RASAL1: variants seen among roughly 807,000 people sequenced by gnomAD.
RASAL1 encodes the protein rasGAP-activating-like protein 1.
Under a neutral mutation model 96.6 loss-of-function variants are expected in RASAL1, and 72 were observed. That is an observed-to-expected ratio of 0.75 (90% CI 0.62 to 0.91). The LOEUF (loss-of-function observed/expected upper bound fraction) is 0.91, where lower values mean the gene tolerates loss of function less well. Ranked by LOEUF, RASAL1 falls within the 40% of genes least tolerant of loss-of-function variation. The pLI is 0.00. For synonymous variants in RASAL1, 405 were observed against 430.4 expected (o/e 0.94, Z 0.73); for missense variants, 1,016 against 1,072.5 (o/e 0.95, Z 0.74).
intron 16 of RASAL1, among the ~76,000 whole-genome samples, chr12:113,105,276 G>A (rs1393826587): frequency 6.6e-6 from 1 of 152,210 alleles, no homozygotes; most frequent in Admixed American, 6.5e-5. Context: ...GCACATAATA[G>A]GCACTCAATA....
Position 113,115,285 on chromosome 12 carries a change from G to A in RASAL1, c.1004-21C>T. ...GTCCACTGGGAGGACAGGAGGAAGTGTTTGCTGGGATTTAGGGAGCTGAAC... is the reference window on the plus strand; with the variant it reads ...GTCCACTGGGAGGACAGGAGGAAGTATTTGCTGGGATTTAGGGAGCTGAAC... On this transcript the variant is annotated intron_variant, in intron 10 of 20. Coordinates refer to ENST00000548055, the MANE Select transcript of RASAL1 (RefSeq NM_001301202.2). The surrounding 1 kb of genome is among the most constrained non-coding windows in gnomAD (Gnocchi z 4.1). 1 of 1,607,098 alleles carries A rather than the reference G, an allele frequency of 6.2e-7. No homozygotes were observed. Among genetic ancestry groups the A allele is most frequent in the Non-Finnish European group, 8.5e-7 (1 of 1,173,680 alleles).
chr12:113,114,997 G>A (rs992103757), intron 11 of RASAL1, 85 bp from the exon 12 acceptor site: 1 of 1,220,172 alleles, frequency 8.2e-7, no homozygotes, highest in Non-Finnish European at 1.2e-6. Context: ...GGACCATGCA[G>A]GAAGAGGTTC....
At chr12:113,113,604 AC>A (rs535918383) in intron 12 of RASAL1, among the ~76,000 whole-genome samples, 20 of 152,212 alleles carry the variant, frequency 1.3e-4, no homozygotes, top group Non-Finnish European at 2.8e-4. Context: ...TAGGCAAGTG[AC>A]CTTCCCTCTC....
chr12:113,124,670 A>G (rs1379864), intron 4 of RASAL1, among the ~76,000 whole-genome samples: 14,060 of 152,230 alleles, frequency 0.092, 1,850 homozygotes, highest in African/African-American at 0.3. Flanking sequence ...TCCCCTCTCT[A>G]TGCCTCTGTA....
intron 4 of RASAL1, among the ~76,000 whole-genome samples, chr12:113,125,642 TGA>T (rs1951453892): frequency 6.6e-6 from 1 of 152,218 alleles, no homozygotes; most frequent in Admixed American, 6.5e-5. Context: ...GTTTGATAAC[TGA>T]GAGAGTGTGG....
intron 4 of RASAL1, among the ~76,000 whole-genome samples, chr12:113,127,163 G>A (rs1951517219): frequency 1.3e-5 from 2 of 151,970 alleles, no homozygotes; most frequent in African/African-American, 4.8e-5. Context: ...TGCCTCCCAA[G>A]GTGCTGGGAT....
intron 5 of RASAL1, among the ~76,000 whole-genome samples, chr12:113,119,879 A>G (rs2136205070): frequency 6.6e-6 from 1 of 152,296 alleles, no homozygotes; most frequent in East Asian, 1.9e-4. Flanking sequence ...TACCTGGAAA[A>G]TGGGAGTAAT....
intron 13 of RASAL1, among the ~76,000 whole-genome samples, chr12:113,111,447 G>A (rs1049529677): frequency 7.2e-5 from 11 of 152,060 alleles, no homozygotes; most frequent in African/African-American, 1.4e-4. Flanking sequence ...TTCCTCCTCC[G>A]TAAAATGGGA....
At chr12:113,109,037 G>T (rs1674104) in intron 13 of RASAL1, among the ~76,000 whole-genome samples, 110,320 of 137,562 alleles carry the variant, frequency 0.8, 42,270 homozygotes, top group Admixed American at 0.85. Flanking sequence ...AGGTTTTTTT[G>T]TGTGTGTTTT....
intron 13 of RASAL1, 131 bp from the exon 14 acceptor site, chr12:113,108,353 C>T (rs983213615): frequency 9.5e-6 from 11 of 1,156,846 alleles, no homozygotes; most frequent in African/African-American, 4.8e-5. Flanking sequence ...GAAGCCACAC[C>T]GGCTGGCCGA....
Position 113,129,171 on chromosome 12 carries a change from G to A in RASAL1, c.123-993C>T, listed in dbSNP as rs1273503405. Reference sequence around the variant, plus strand: ...TCTCTCCCAGCAATTAGGACATGGTGGGAGAAGTCCTGGGATTGGGGTTAG... The same window carrying A: ...TCTCTCCCAGCAATTAGGACATGGTAGGAGAAGTCCTGGGATTGGGGTTAG... On this transcript the variant is annotated intron_variant, in intron 2 of 20. Transcript: ENST00000548055. The surrounding 1 kb of genome is among the most constrained non-coding windows in gnomAD (Gnocchi z 5.0). Among the ~76,000 whole-genome samples the A allele has an allele frequency of 6.6e-6, 1 of 152,206 alleles. No homozygotes were observed. Among genetic ancestry groups the A allele is most frequent in the Non-Finnish European group, 1.5e-5 (1 of 68,030 alleles).
chr12:113,121,434 A>T, intron 5 of RASAL1, 75 bp downstream of exon 5: 1 of 1,588,000 alleles, frequency 6.3e-7, no homozygotes. Context: ...CCCAAACGCC[A>T]GGCAGCAGGG....
At chr12:113,104,432 T>C in intron 16 of RASAL1, 134 bp from the exon 17 acceptor site, 1 of 806,564 alleles carries the variant, frequency 1.2e-6, no homozygotes, top group South Asian at 1.8e-5. Flanking sequence ...GTCTGTGCTC[T>C]GTGTGCTCGT....
Position 113,100,006 on chromosome 12 carries a change from C to T in RASAL1, c.2341G>A (p.Ala781Thr), listed in dbSNP as rs768084694. The T allele has an allele frequency of 1.9e-6, 3 of 1,613,686 alleles. No homozygotes were observed. The highest frequency in any genetic ancestry group is 2.2e-5 in the East Asian group (1 of 44,868). Residue 781 changes from alanine (A) to threonine (T), a missense_variant, in exon 21 of 21, where the codon GCA (alanine) becomes ACA (threonine). Ala to Thr is a moderately conservative substitution (Grantham distance 58). Coordinates refer to ENST00000548055, the MANE Select transcript of RASAL1 (RefSeq NM_001301202.2). Reference sequence around the variant, plus strand: ...TCCTCGTGGGCACGATCCAGGTCTGCGAGCACCTCCAGCAGGCGGGCAGTT... The same window carrying T: ...TCCTCGTGGGCACGATCCAGGTCTGTGAGCACCTCCAGCAGGCGGGCAGTT... ...AATARLLEVLADLDRAHEEFQ... is the reference protein window; with the variant it reads ...AATARLLEVLTDLDRAHEEFQ...
At chr12:113,114,985 G>T in intron 11 of RASAL1, 73 bp from the exon 12 acceptor site, 1 of 1,278,736 alleles carries the variant, frequency 7.8e-7, no homozygotes, top group Non-Finnish European at 1.1e-6. Flanking sequence ...TGGGCGCAGG[G>T]GGGACCATGC....
chr12:113,112,185 G>A lies in RASAL1; in HGVS notation c.1275C>T (p.Ala425=). 7.9e-7 allele frequency: 1 copy of A among 1,259,982 alleles called. No individual in the cohort carries two copies. Among genetic ancestry groups the A allele is most frequent in the Non-Finnish European group, 1.0e-6 (1 of 994,282 alleles). 78.1% of individuals were successfully genotyped at this position (1,259,982 alleles called of 1,614,324 possible). Residue 425 remains alanine (A), a synonymous_variant, in exon 13 of 21, where the codon GCC becomes GCT. Coordinates refer to ENST00000548055, the MANE Select transcript of RASAL1 (RefSeq NM_001301202.2). The part of the protein sequence containing the change: ...LTGYLGPIVD[A]IVGSVGRCPP... ...GGCAGCGCCCCACGGAGCCCACGAT[G>A]GCGTCCACGATGGGCCCCAGGTAGC...
At chr12:113,118,908 C>T (rs1951183149) in intron 7 of RASAL1, among the ~76,000 whole-genome samples, 1 of 152,200 alleles carries the variant, frequency 6.6e-6, no homozygotes, top group African/African-American at 2.4e-5. Flanking sequence ...CTGGGCCCGT[C>T]CTGTGATCTT....
rs117340338 is a variant in RASAL1 at position 113,104,803 on chromosome 12, C to T, written c.1831-505G>A. ...AGGCATGAGCCACCGTGCCCAGCCA[C>T]CTCTCTAAGTGACAACTTCTCTGGG... On this transcript the variant is annotated intron_variant, in intron 16 of 20. Transcript: ENST00000548055. Among the ~76,000 whole-genome samples, 1,397 of 152,262 alleles carry T rather than the reference C, an allele frequency of 9.2e-3. 9 individuals are homozygous for T. The highest frequency in any genetic ancestry group is 0.02 in the Middle Eastern group (6 of 294).
rs996167467 is a variant in RASAL1, at chr12:113,116,044, G to C, written c.739C>G (p.Leu247Val). The C allele has an allele frequency of 6.3e-7, 1 of 1,587,238 alleles. No homozygotes were observed. Residue 247 changes from leucine to valine, a missense_variant, in exon 9 of 21, where the codon CTG (leucine) becomes GTG (valine). Transcript: ENST00000548055. ...CGTACCTTCACTCGCAGGGCACCCA[G>C]GTTCCCCCTGTCCAGGATCAGATCA... Reference protein sequence around the residue: ...PRAEEDSGGNLGALRVKVRLI... With the variant: ...PRAEEDSGGNVGALRVKVRLI...
Sources: gnomAD v4.1 joint callset for allele counts (sites outside exome capture counted in the v4.1 genomes callset) on GRCh38, gnomAD v4.1.1 for gene constraint, Gnocchi (gnomAD v3.1) non-coding constraint, MANE v1.5 for transcripts, NCBI Gene and HGNC (gene_info 2026-07-23, HGNC 2026-07-21) for gene names.